The following PXDNL variants were observed in gnomAD, a reference collection of about 807,000 sequenced individuals.
The protein encoded by PXDNL is probable oxidoreductase PXDNL.
In PXDNL, 145 loss-of-function variants were observed where a neutral mutation model predicts 150.8. That is an observed-to-expected ratio of 0.96 (90% CI 0.84 to 1.10). The LOEUF (loss-of-function observed/expected upper bound fraction) is 1.10. Among genes scored for constraint, PXDNL ranks in the 50% least tolerant of loss-of-function variants. The pLI is 0.00. For missense variants in PXDNL, 2,087 were observed against 1,873.9 expected (o/e 1.11, Z -2.10); for synonymous variants, 757 against 725.7 (o/e 1.04, Z -0.69).
In PXDNL at chr8:51,423,665, C is replaced by T. The variant is rs180899557; in HGVS notation, c.1705G>A (p.Asp569Asn). The change falls in exon 14 of 23, where the codon GAC becomes AAC. Residue 569 changes from aspartate to asparagine, a missense_variant. Asp to Asn is a conservative substitution (Grantham distance 23). Coordinates refer to ENST00000356297, the MANE Select transcript of PXDNL (RefSeq NM_144651.5). ...VDDEGTLTIY[D>N]AGFPDQGRYE... is the part of the protein sequence containing the mutation. ...CTTCCCTGGTCAGGGAACCCTGCGT[C>T]GTAGATAGTCAGCGTGCCTTCATCA... 2.5e-4 allele frequency: 409 copies of T among 1,613,734 alleles called. No individual in the cohort carries two copies. The highest frequency in any genetic ancestry group is 1.7e-3 in the African/African-American group (127 of 74,920).
chr8:51,708,167 T>C, intron 1 of PXDNL, among the ~76,000 whole-genome samples: 1 of 152,220 alleles, frequency 6.6e-6, no homozygotes, highest in East Asian at 1.9e-4. Context: ...GTTTTTGTCC[T>C]CTCAAAATTC....
chr8:51,373,342 G>A (rs1807187791), intron 18 of PXDNL, among the ~76,000 whole-genome samples: 1 of 152,138 alleles, frequency 6.6e-6, no homozygotes, highest in African/African-American at 2.4e-5. Context: ...AGAATTGTAA[G>A]AATAACAAAT....
At chr8:51,499,194 A>G (rs1563439865) in intron 5 of PXDNL, among the ~76,000 whole-genome samples, 2 of 152,158 alleles carry the variant, frequency 1.3e-5, no homozygotes, top group Non-Finnish European at 2.9e-5. Context: ...CAGTGGCACG[A>G]TCTCGGCTCA....
intron 12 of PXDNL, among the ~76,000 whole-genome samples, chr8:51,433,367 A>G (rs1809307350): frequency 6.6e-6 from 1 of 152,116 alleles, no homozygotes; most frequent in South Asian, 2.1e-4. Flanking sequence ...TCTCTTAATA[A>G]TTAGTTAATA....
At chr8:51,430,997 C>T (rs1197673898) in intron 12 of PXDNL, among the ~76,000 whole-genome samples, 3 of 152,192 alleles carry the variant, frequency 2.0e-5, no homozygotes, top group African/African-American at 7.2e-5. Context: ...ACAATATTGA[C>T]TTCTCCACAA....
At chr8:51,678,023 A>G (rs570560637) in intron 1 of PXDNL, among the ~76,000 whole-genome samples, 8 of 152,248 alleles carry the variant, frequency 5.3e-5, no homozygotes, top group Non-Finnish European at 1.2e-4. Flanking sequence ...AAGAAGGGCC[A>G]TAAAGATTTT....
intron 17 of PXDNL, among the ~76,000 whole-genome samples, chr8:51,381,727 A>C (rs1005150277): frequency 6.6e-6 from 1 of 151,530 alleles, no homozygotes; most frequent in African/African-American, 2.4e-5. Flanking sequence ...AATCTCGGCT[A>C]CTGAAAGCTC....
chr8:51,484,089 C>A (rs1364982183), intron 5 of PXDNL, among the ~76,000 whole-genome samples: 1 of 152,046 alleles, frequency 6.6e-6, no homozygotes, highest in Non-Finnish European at 1.5e-5. Context: ...ATGTTGTACA[C>A]CTTGAATGCA....
intron 12 of PXDNL, among the ~76,000 whole-genome samples, chr8:51,437,932 C>T (rs6995672): frequency 0.19 from 28,819 of 152,048 alleles, 3,052 homozygotes; most frequent in East Asian, 0.32. Context: ...AAAAAAGTTC[C>T]TAGAACTGAT....
chr8:51,464,223 G>T (rs751363932), intron 8 of PXDNL, among the ~76,000 whole-genome samples: 1 of 152,106 alleles, frequency 6.6e-6, no homozygotes, highest in African/African-American at 2.4e-5. Flanking sequence ...TATTAGCTGG[G>T]TGTGCTGGCA....
rs536776963 is a variant in PXDNL, at chr8:51,711,100, T to C, written c.165-56340A>G. Among the ~76,000 whole-genome samples the C allele has an allele frequency of 2.0e-3, 302 of 151,170 alleles. 2 individuals carry two copies. The highest frequency in any genetic ancestry group is 7.1e-3 in the African/African-American group (286 of 40,534). On this transcript the variant is annotated intron_variant, in intron 1 of 22. Coordinates refer to ENST00000356297, the MANE Select transcript of PXDNL (RefSeq NM_144651.5). ...TTGTCACAGTTTACAGATATCATGG[T>C]ATTAAATATAGAAAACTAGCAATTA...
chr8:51,801,846 A>G (rs758486728), intron 1 of PXDNL, among the ~76,000 whole-genome samples: 12 of 152,190 alleles, frequency 7.9e-5, no homozygotes, highest in Non-Finnish European at 1.2e-4. Context: ...TCATTGGGAT[A>G]TTAGTTGAAC....
intron 17 of PXDNL, among the ~76,000 whole-genome samples, chr8:51,397,878 T>C (rs1386171821): frequency 6.6e-6 from 1 of 152,094 alleles, no homozygotes; most frequent in African/African-American, 2.4e-5. Context: ...TAGCATTACA[T>C]ATATCTCCTA....
chr8:51,705,018 C>T (rs1479197463), intron 1 of PXDNL, among the ~76,000 whole-genome samples: 1 of 152,150 alleles, frequency 6.6e-6, no homozygotes, highest in Non-Finnish European at 1.5e-5. Context: ...ACACTGTGGG[C>T]TGGCTTATGG....
chr8:51,366,922 G>GA (rs1390169777), intron 19 of PXDNL, among the ~76,000 whole-genome samples: 4 of 151,884 alleles, frequency 2.6e-5, no homozygotes, highest in African/African-American at 9.7e-5. Context: ...TCAACATGGT[G>GA]AAACCCCTTC....
At chr8:51,756,408 G>GAAA (rs1563311477) in intron 1 of PXDNL, among the ~76,000 whole-genome samples, 8 of 147,494 alleles carry the variant, frequency 5.4e-5, no homozygotes, top group South Asian at 2.1e-4. Flanking sequence ...AAAAAAAAAA[G>GAAA]GAAAGAAAGA....
chr8:51,409,994 A>G (rs148887781), intron 16 of PXDNL, among the ~76,000 whole-genome samples: 6 of 152,334 alleles, frequency 3.9e-5, no homozygotes, highest in Admixed American at 2.0e-4. Context: ...TACAAGAACG[A>G]TGTTGGCAAG....
chr8:51,674,567 A>C (rs117924930), intron 1 of PXDNL, among the ~76,000 whole-genome samples: 1 of 152,208 alleles, frequency 6.6e-6, no homozygotes, highest in Non-Finnish European at 1.5e-5. Flanking sequence ...GCACACTGAA[A>C]TGGGTTATAT....
intron 3 of PXDNL, among the ~76,000 whole-genome samples, chr8:51,586,926 G>A (rs1813337647): frequency 6.6e-6 from 1 of 152,138 alleles, no homozygotes; most frequent in African/African-American, 2.4e-5. Flanking sequence ...TTTGAATATG[G>A]AATAAATTTC....
Sources: gnomAD v4.1 joint callset for allele counts (sites outside exome capture counted in the v4.1 genomes callset) on GRCh38, gnomAD v4.1.1 for gene constraint, MANE v1.5 for transcripts, NCBI Gene and HGNC (gene_info 2026-07-23, HGNC 2026-07-21) for gene names.